The following CACNA1I variants were observed in gnomAD, a reference collection of about 807,000 sequenced individuals.
CACNA1I encodes calcium voltage-gated channel subunit alpha1 I, also known as voltage-dependent T-type calcium channel subunit alpha-1I.
CACNA1I carries 74 observed loss-of-function variants against 201.6 expected under a neutral mutation model. That is an observed-to-expected ratio of 0.37 (90% CI 0.30 to 0.45). The LOEUF is 0.45. Among genes scored for constraint, CACNA1I ranks in the 20% least tolerant of loss-of-function variants. The probability of loss-of-function intolerance (pLI) is 1.00; values close to 1 mark genes in which losing one functional copy is unlikely to be tolerated. For synonymous variants in CACNA1I, 1,431 were observed against 1,345.2 expected (o/e 1.06, Z -1.40); for missense variants, 2,346 against 3,138.1 (o/e 0.75, Z 6.03).
At chr22:39,679,494 C>G in intron 32 of CACNA1I, 49 bp downstream of exon 32, 1 of 1,310,490 alleles carries the variant, frequency 7.6e-7, no homozygotes, top group South Asian at 1.6e-5. Context: ...GGGGGCACCG[C>G]AGGGCCAGAT....
rs1012243900 is a variant in CACNA1I, at chr22:39,629,528, A to C, written c.581-5037A>C. The stretch of plus-strand genomic sequence containing the variant: ...TCCGGTTTATCACAATGATGAATGT[A>C]TGACGGCCAGGCAGGGCCAGGCAGG... On this transcript the variant is annotated intron_variant, in intron 4 of 36. Transcript: ENST00000402142. This position sits in a 1 kb window ranked among gnomAD's most constrained non-coding sequence, Gnocchi z 4.8. Among the ~76,000 whole-genome samples, 17 of 107,200 alleles carry C rather than the reference A, an allele frequency of 1.6e-4. No homozygotes were observed. The highest frequency in any genetic ancestry group is 1.9e-4 in the Non-Finnish European group (10 of 52,376). 70.3% of individuals were successfully genotyped at this position (107,200 alleles called of 152,430 possible).
intron 4 of CACNA1I, among the ~76,000 whole-genome samples, chr22:39,627,631 T>C (rs11704409): frequency 0.11 from 16,814 of 152,294 alleles, 1,216 homozygotes; most frequent in Non-Finnish European, 0.17. Flanking sequence ...GGGCATTTGT[T>C]GGACAGTTCT....
chr22:39,669,303 T>A (rs1935292677), intron 24 of CACNA1I, among the ~76,000 whole-genome samples: 1 of 152,158 alleles, frequency 6.6e-6, no homozygotes, highest in Non-Finnish European at 1.5e-5. Flanking sequence ...GTGGGAGGAA[T>A]GCGAACACTT....
chr22:39,668,819 G>A (rs879891074), intron 24 of CACNA1I, among the ~76,000 whole-genome samples: 3 of 152,148 alleles, frequency 2.0e-5, no homozygotes, highest in African/African-American at 4.8e-5. Context: ...GTAGTGTTAG[G>A]TGGTCTGCAA....
In CACNA1I at chr22:39,665,766, A is replaced by T. The variant is rs563737542; in HGVS notation, c.3979-115A>T. On this transcript the variant is annotated intron_variant, in intron 22 of 36. Coordinates refer to ENST00000402142, the MANE Select transcript of CACNA1I (RefSeq NM_021096.4). This position sits in a 1 kb window ranked among gnomAD's most constrained non-coding sequence, Gnocchi z 5.5. Reference sequence around the variant, plus strand: ...TTCTCCTCCAGGGAGGGAGACAGACATGGGCCCAGATGACTGAGCACAAGA... The same window carrying T: ...TTCTCCTCCAGGGAGGGAGACAGACTTGGGCCCAGATGACTGAGCACAAGA... 6.5e-7 allele frequency: 1 copy of T among 1,538,494 alleles called. No homozygotes were observed. Among genetic ancestry groups the T allele is most frequent in the African/African-American group, 1.4e-5 (1 of 73,620 alleles).
intron 4 of CACNA1I, among the ~76,000 whole-genome samples, chr22:39,620,108 T>C (rs1235817053): frequency 3.4e-4 from 21 of 61,642 alleles, no homozygotes; most frequent in Non-Finnish European, 4.5e-4. Flanking sequence ...TCCATCCATC[T>C]ACCTGTCCAC....
Position 39,679,769 on chromosome 22 carries a change from G to T in CACNA1I, c.5442G>T (p.Leu1814Phe). ...DSVSLIIKDS[L>F]EGELTIIDNL... ...TCTCTTTAATCATCAAGGACTCCTT[G>T]GAGGGGGAGCTGACCATCATCGACA... Residue 1814 changes from leucine (L) to phenylalanine (F), a missense_variant, in exon 33 of 37, where the codon TTG (leucine) becomes TTT (phenylalanine). Physicochemically the swap from Leu to Phe is conservative, Grantham distance 22. Around this residue, in one of 13 missense-constraint regions of CACNA1I, gnomAD observed 441 missense variants for 555.6 expected, o/e 0.79. Transcript: ENST00000402142. The T allele has an allele frequency of 6.2e-7, 1 of 1,613,076 alleles. No individual in the cohort carries two copies. Among genetic ancestry groups the T allele is most frequent in the East Asian group, 2.2e-5 (1 of 44,862 alleles).
Position 39,648,086 on chromosome 22 carries a change from A to G in CACNA1I, c.1567+160A>G, listed in dbSNP as rs922433899. The G allele has an allele frequency of 1.0e-4, 64 of 639,278 alleles. No individual in the cohort carries two copies. The highest frequency in any genetic ancestry group is 1.7e-4 in the Non-Finnish European group (63 of 371,186). The allele number at this position is 639,278 out of a possible 1,614,324, so 39.6% of individuals were successfully genotyped here. On this transcript the variant is annotated intron_variant, in intron 9 of 36. Transcript: ENST00000402142. The surrounding 1 kb of genome is among the most constrained non-coding windows in gnomAD (Gnocchi z 5.4). ...CTATAAAGTGAGGACAGGGGCCCCCAGCACGTGGCCGTCCACGGCGGGAGT... is the reference window on the plus strand; with the variant it reads ...CTATAAAGTGAGGACAGGGGCCCCCGGCACGTGGCCGTCCACGGCGGGAGT...
chr22:39,611,008 A>G (rs1327527866), intron 3 of CACNA1I, among the ~76,000 whole-genome samples: 1 of 152,026 alleles, frequency 6.6e-6, no homozygotes, highest in Non-Finnish European at 1.5e-5. Context: ...CCCTGGCAGG[A>G]TGTGTCAGCT....
At position 39,611,080 on chromosome 22, in the gene CACNA1I, G is replaced by C. The variant is rs568723810; in HGVS notation, c.483-8230G>C. Among the ~76,000 whole-genome samples, 4 of 152,272 alleles carry C rather than the reference G, an allele frequency of 2.6e-5. No homozygotes were observed. In the East Asian group the frequency reaches 7.7e-4, roughly 29 times the overall value. On this transcript the variant is annotated intron_variant, in intron 3 of 36. Transcript: ENST00000402142. ...TCAGGGAGGCTGGAAAGGGATGCTG[G>C]ACAGGGAGGATCCCAGGCCAGGCCT...
intron 32 of CACNA1I, 37 bp downstream of exon 32, chr22:39,679,482 G>A (rs1474021563): frequency 5.9e-6 from 8 of 1,345,394 alleles, no homozygotes; most frequent in East Asian, 2.7e-5. Flanking sequence ...GGTCGCCAGA[G>A]GGGGGGCACC....
rs553471228 is a variant in CACNA1I at position 39,677,784 on chromosome 22, G to A, written c.4934-203G>A. ...TCTCAGAAACCCATTCTTCGGCGGG[G>A]AGCAGAGCCAGACTCACCCAAACCT... On this transcript the variant is annotated intron_variant, in intron 30 of 36. Coordinates refer to ENST00000402142, the MANE Select transcript of CACNA1I (RefSeq NM_021096.4). The surrounding 1 kb of genome is among the most constrained non-coding windows in gnomAD (Gnocchi z 4.8). Among the ~76,000 whole-genome samples the A allele has an allele frequency of 2.5e-3, 375 of 152,280 alleles. 2 individuals are homozygous for A. The highest frequency in any genetic ancestry group is 8.6e-3 in the African/African-American group (357 of 41,564).
chr22:39,671,044 G>C (rs1292063081), intron 26 of CACNA1I, 90 bp downstream of exon 26: 3 of 1,249,460 alleles, frequency 2.4e-6, no homozygotes, highest in Non-Finnish European at 3.4e-6. Flanking sequence ...TGGGGAAGGG[G>C]TTAGCTGATA....
chr22:39,664,796 G>C lies in CACNA1I; in HGVS notation c.3724G>C (p.Val1242Leu). The C allele has an allele frequency of 6.3e-7, 1 of 1,590,600 alleles. No homozygotes were observed. The highest frequency in any genetic ancestry group is 8.6e-7 in the Non-Finnish European group (1 of 1,166,136). ...GGCGTACCTACGCAGCAGCTGGAAC[G>C]TGCTGGATGGCTTTCTTGTCTTCGT... Reference protein sequence around the residue: ...EQAYLRSSWNVLDGFLVFVSI... With the variant: ...EQAYLRSSWNLLDGFLVFVSI... Residue 1242 changes from valine to leucine, a missense_variant, in exon 21 of 37, where the codon GTG becomes CTG. Coordinates refer to ENST00000402142, the MANE Select transcript of CACNA1I (RefSeq NM_021096.4).
chr22:39,620,030 T>C (rs553450418), intron 4 of CACNA1I, among the ~76,000 whole-genome samples: 200 of 135,328 alleles, frequency 1.5e-3, no homozygotes, highest in Non-Finnish European at 2.1e-3. Flanking sequence ...CATCCATCCA[T>C]CCATCCATCC....
chr22:39,595,088 GACCATCTTGGCCAAC>G (rs896402259), intron 1 of CACNA1I, among the ~76,000 whole-genome samples: 4 of 149,844 alleles, frequency 2.7e-5, no homozygotes, highest in Non-Finnish European at 5.9e-5. Flanking sequence ...AGGAGATCGA[GACCATCTTGGCCAAC>G]ATGGTGAAAC....
chr22:39,661,157 C>T lies in CACNA1I; in HGVS notation c.2748C>T (p.Pro916=), dbSNP rs374811514. The T allele has an allele frequency of 4.0e-5, 65 of 1,613,232 alleles. No homozygotes were observed. The highest frequency in any genetic ancestry group is 5.1e-5 in the Non-Finnish European group (60 of 1,179,802). The change falls in exon 16 of 37, where the codon CCC becomes CCT. Residue 916 remains proline, a synonymous_variant. Transcript: ENST00000402142. ...IPMTPNGHLD[P]SLPLGGHLGP... The stretch of plus-strand genomic sequence containing the variant: ...TGACCCCCAATGGGCACCTGGACCC[C>T]AGTCTCCCACTGGGTGGGCACCTAG...
At chr22:39,668,501 C>T (rs1457204402) in intron 24 of CACNA1I, 120 bp downstream of exon 24, 3 of 667,112 alleles carry the variant, frequency 4.5e-6, no homozygotes, top group Non-Finnish European at 5.5e-6. Flanking sequence ...TGTCTCCCCA[C>T]TGTCAGCACA....
At chr22:39,597,319 A>T (rs888752247) in intron 1 of CACNA1I, among the ~76,000 whole-genome samples, 14 of 152,154 alleles carry the variant, frequency 9.2e-5, no homozygotes, top group Non-Finnish European at 2.1e-4. Context: ...GGGACTGGAC[A>T]CTGCGGGCTG....
Sources: gnomAD v4.1 joint callset for allele counts (sites outside exome capture counted in the v4.1 genomes callset) on GRCh38, gnomAD v4.1.1 for gene constraint, gnomAD v4.1.1 regional missense constraint, Gnocchi (gnomAD v3.1) non-coding constraint, MANE v1.5 for transcripts, NCBI Gene and HGNC (gene_info 2026-07-23, HGNC 2026-07-21) for gene names.